Variants in IL4I1 observed in about 807,000 individuals in gnomAD.
The protein encoded by IL4I1 is L-amino-acid oxidase.
Under a neutral mutation model 29.7 loss-of-function variants are expected in IL4I1, and 24 were observed. The ratio of observed to expected loss-of-function variants is 0.81; its 90% confidence interval spans 0.59 to 1.14. The LOEUF (loss-of-function observed/expected upper bound fraction) is 1.14. IL4I1 is among the 50% of genes most tolerant of loss of function. IL4I1 has a pLI of 0.00. For missense variants in IL4I1, 686 were observed against 785.6 expected, an observed-to-expected ratio of 0.87 and a Z score of 1.52; for synonymous variants, 371 against 352.5, an observed-to-expected ratio of 1.05 and a Z score of -0.59.
upstream of IL4I1, among the ~76,000 whole-genome samples, chr19:49,901,367 G>A (rs1041256527): frequency 1.3e-5 from 2 of 152,214 alleles, no homozygotes; most frequent in Non-Finnish European, 2.9e-5. Flanking sequence ...CTGGGCTACA[G>A]AGCGAGACTC....
chr19:49,895,505 G>A (rs2075195077), intron 3 of IL4I1, among the ~76,000 whole-genome samples: 1 of 152,142 alleles, frequency 6.6e-6, no homozygotes, highest in Admixed American at 6.5e-5. Context: ...TAGACCTCAG[G>A]GCACACATCC....
chr19:49,910,322 G>A (rs1233225384), intron 2 of IL4I1, among the ~76,000 whole-genome samples: 5 of 152,086 alleles, frequency 3.3e-5, no homozygotes, highest in African/African-American at 9.7e-5. Context: ...GCCACCCTGA[G>A]GGCCTCTCTG....
rs566582473 is a variant in IL4I1, at chr19:49,913,741, CTCTG to C, written c.-227-9424_-227-9421del. Among the ~76,000 whole-genome samples, 766 of 152,310 alleles carry C rather than the reference CTCTG, an allele frequency of 5.0e-3. 2 individuals carry two copies. The highest frequency in any genetic ancestry group is 8.0e-3 in the Non-Finnish European group (543 of 68,032). ...ACTGTGAGTAGAAAGCTTTGCTGAG[CTCTG>C]TGAGTCTTAGCTCATCACTGAGCCG... On this transcript the variant is annotated intron_variant, in intron 2 of 9. Transcript: ENST00000341114.
chr19:49,909,194 G>A (rs2075397554), intron 2 of IL4I1: 1 of 1,613,776 alleles, frequency 6.2e-7, no homozygotes, highest in Middle Eastern at 1.6e-4. Context: ...GGGAGCAGCT[G>A]GCTGTGTGGC....
rs2075762244 is a variant in IL4I1 at position 49,921,410 on chromosome 19, G to A, written c.-228+6284C>T. Among the ~76,000 whole-genome samples, 1 of 152,064 alleles carries A rather than the reference G, an allele frequency of 6.6e-6. No homozygotes were observed. Among genetic ancestry groups the A allele is most frequent in the African/African-American group, 2.4e-5 (1 of 41,410 alleles). On this transcript the variant is annotated intron_variant, in intron 2 of 9. Coordinates refer to the IL4I1 transcript ENST00000341114. This position sits in a 1 kb window ranked among gnomAD's most constrained non-coding sequence, Gnocchi z 5.4. ...CCAGTCCCCCTTCCCATTCTCCAGA[G>A]ACTTCCTGGGCCATCTCCATGACCT...
intron 2 of IL4I1, among the ~76,000 whole-genome samples, chr19:49,919,581 A>G (rs982628535): frequency 6.6e-6 from 1 of 152,062 alleles, no homozygotes; most frequent in Non-Finnish European, 1.5e-5. Flanking sequence ...CTGATTTTCA[A>G]CCTTCTCTCC....
intron 3 of IL4I1, among the ~76,000 whole-genome samples, chr19:49,895,551 C>T (rs2075195799): frequency 6.6e-6 from 1 of 152,178 alleles, no homozygotes; most frequent in Admixed American, 6.5e-5. Flanking sequence ...AACAGGCGCC[C>T]CACCCCAGGA....
chr19:49,923,092 A>G (rs1191270059), intron 2 of IL4I1, among the ~76,000 whole-genome samples: 1 of 151,772 alleles, frequency 6.6e-6, no homozygotes, highest in Non-Finnish European at 1.5e-5. Context: ...TTTGCATAAG[A>G]GCTGTGACTG....
At chr19:49,896,905 TTCTC>T, upstream of IL4I1, 8 of 985,412 alleles carry the variant, frequency 8.1e-6, no homozygotes, top group Non-Finnish European at 9.6e-6. Context: ...CTGTGGCCCT[TTCTC>T]TCCCCTTAAA....
chr19:49,919,496 G>T (rs1271440681), intron 2 of IL4I1, among the ~76,000 whole-genome samples: 1 of 152,168 alleles, frequency 6.6e-6, no homozygotes, highest in African/African-American at 2.4e-5. Flanking sequence ...ACTTGCCCAG[G>T]GTACCAAAAT....
Position 49,891,003 on chromosome 19 carries a change from G to C in IL4I1, c.741C>G (p.Leu247=). 2 of 1,605,094 alleles carry C rather than the reference G, an allele frequency of 1.2e-6. No individual in the cohort carries two copies. Among genetic ancestry groups the C allele is most frequent in the Non-Finnish European group, 1.7e-6 (2 of 1,176,736 alleles). ...GFFYLSFAEA[L]RAHSCLSDRL... ...TGTCGCTGAGGCAGCTGTGGGCCCG[G>C]AGGGCCTCGGCGAAGCTGAGATAGA... The change falls in exon 7 of 8, where the codon CTC becomes CTG. Residue 247 remains leucine, a synonymous_variant. Transcript: ENST00000391826.
rs150793757 is a variant in IL4I1, at chr19:49,902,233, C to T, written c.-104-412G>A. Among the ~76,000 whole-genome samples the T allele has an allele frequency of 2.1e-3, 320 of 152,272 alleles. 2 individuals carry two copies. The highest frequency in any genetic ancestry group is 7.1e-3 in the African/African-American group (296 of 41,566). The stretch of plus-strand genomic sequence containing the variant: ...TGGGCTGGTCTCGAACTCCTGACTT[C>T]GGGTGATCCCTCCCATCTTGGCCTC... On this transcript the variant is annotated intron_variant, in intron 3 of 9. Coordinates refer to the IL4I1 transcript ENST00000341114.
intron 3 of IL4I1, 107 bp from the exon 4 acceptor site, chr19:49,895,287 G>T: frequency 1.2e-6 from 1 of 831,986 alleles, no homozygotes; most frequent in Non-Finnish European, 1.9e-6. Flanking sequence ...TCCCCACAGT[G>T]GCCCAGACCC....
Position 49,891,720 on chromosome 19 carries a change from G to A in IL4I1, c.568-247C>T, listed in dbSNP as rs145521206. The stretch of plus-strand genomic sequence containing the variant: ...CCATCCCCCCTCATTCGGCTGGCCC[G>A]GCTGGTCACAGCTCATCCCGGTTGC... On this transcript the variant is annotated intron_variant, in intron 5 of 7. Coordinates refer to ENST00000391826, the MANE Select transcript of IL4I1 (RefSeq NM_152899.2). Among the ~76,000 whole-genome samples, 730 of 152,332 alleles carry A rather than the reference G, an allele frequency of 4.8e-3. 2 individuals carry two copies. Among genetic ancestry groups the A allele is most frequent in the South Asian group, 0.017 (80 of 4,832 alleles).
chr19:49,911,983 G>A (rs16981539), intron 2 of IL4I1, among the ~76,000 whole-genome samples: 3,935 of 152,234 alleles, frequency 0.026, 178 homozygotes, highest in African/African-American at 0.09. Context: ...GGCAGCTAAA[G>A]GCATCTGAGC....
At chr19:49,914,741 TTTTTTTTTTTTTTTTTG>T (rs2075580035) in intron 2 of IL4I1, among the ~76,000 whole-genome samples, 1 of 127,654 alleles carries the variant, frequency 7.8e-6, no homozygotes. Context: ...TTTTTTTTTT[TTTTTTTTTTTTTTTTTG>T]AGATGGAGTC....
intron 5 of IL4I1, among the ~76,000 whole-genome samples, chr19:49,892,812 C>CT (rs1159449873): frequency 6.6e-6 from 1 of 152,134 alleles, no homozygotes; most frequent in Admixed American, 6.5e-5. Context: ...CTGGACATGG[C>CT]CCCCATCCTG....
intron 2 of IL4I1, among the ~76,000 whole-genome samples, chr19:49,905,244 T>G (rs1290199885): frequency 1.3e-5 from 2 of 152,226 alleles, no homozygotes; most frequent in Non-Finnish European, 1.5e-5. Context: ...CATGCTCAAA[T>G]TTTCTCATCA....
At chr19:49,924,702 G>T (rs886495899) in intron 2 of IL4I1, among the ~76,000 whole-genome samples, 1 of 152,196 alleles carries the variant, frequency 6.6e-6, no homozygotes, top group Admixed American at 6.5e-5. Flanking sequence ...TGGGGAGAAG[G>T]GTCGCAGGCA....
Sources: gnomAD v4.1 joint callset for allele counts (sites outside exome capture counted in the v4.1 genomes callset) on GRCh38, gnomAD v4.1.1 for gene constraint, Gnocchi (gnomAD v3.1) non-coding constraint, MANE v1.5 for transcripts, NCBI Gene and HGNC (gene_info 2026-07-23, HGNC 2026-07-21) for gene names.